LAMC1: variants seen among roughly 807,000 people sequenced by gnomAD.
The protein encoded by LAMC1 is laminin subunit gamma 1.
Under a neutral mutation model 173.6 loss-of-function variants are expected in LAMC1, and 38 were observed. The ratio of observed to expected loss-of-function variants is 0.22; its 90% CI spans 0.17 to 0.29. The LOEUF is 0.29. LAMC1 is among the 10% of genes least tolerant of loss of function. The pLI, the probability that LAMC1 is intolerant of heterozygous loss-of-function variation, is 1.00. For missense variants in LAMC1, 1,824 were observed against 2,051.8 expected, an observed-to-expected ratio of 0.89 and a Z score of 2.14; for synonymous variants, 746 against 749.1, an observed-to-expected ratio of 1.00 and a Z score of 0.07.
chr1:183,114,067 T>G (rs893558756), intron 4 of LAMC1, among the ~76,000 whole-genome samples: 3 of 152,092 alleles, frequency 2.0e-5, no homozygotes, highest in African/African-American at 7.2e-5. Context: ...TGGTGGTGGT[T>G]TTTTGTTTGT....
rs1571471633 is a variant in LAMC1, at chr1:183,143,146, A to G, written c.*356A>G. On this transcript the variant is annotated 3_prime_UTR_variant, in exon 28 of 28. Transcript: ENST00000258341. ...AGAGCAAGTAGCCCTCCCCTGTCTC[A>G]TCGATACCAGCAGAACCTCCTCAGT... The G allele has an allele frequency of 5.3e-6, 1 of 190,292 alleles. No homozygotes were observed. The highest frequency in any genetic ancestry group is 1.1e-5 in the Non-Finnish European group (1 of 90,654). 11.8% of individuals were successfully genotyped at this position (190,292 alleles called of 1,614,324 possible).
chr1:183,023,768 T>TG lies in LAMC1; in HGVS notation c.54dup (p.Pro19AlafsTer126). 1 of 1,404,750 alleles carries TG rather than the reference T, an allele frequency of 7.1e-7. No homozygotes were observed. Among genetic ancestry groups the TG allele is most frequent in the Middle Eastern group, 2.0e-4 (1 of 4,948 alleles). The allele number at this position is 1,404,750 out of a possible 1,614,324, so 87.0% of individuals were successfully genotyped here. A position where few individuals can be genotyped will look rare whatever the true frequency, so the allele number is the denominator to read the frequency against. On this transcript the variant is annotated frameshift_variant, in exon 1 of 28. Coordinates refer to ENST00000258341, the MANE Select transcript of LAMC1 (RefSeq NM_002293.4). LOFTEE classifies it high-confidence loss of function. Reference sequence around the variant, plus strand: ...GGCCCTGCGGCCCCGGGGGCGGCTCTGGCCCGTGCTGGCCGTGCTGGCGGC... The same window carrying TG: ...GGCCCTGCGGCCCCGGGGGCGGCTCTGGGCCCGTGCTGGCCGTGCTGGCGGC...
At chr1:183,031,918 GAA>G (rs913589419) in intron 1 of LAMC1, among the ~76,000 whole-genome samples, 4 of 147,252 alleles carry the variant, frequency 2.7e-5, no homozygotes, top group Non-Finnish European at 4.5e-5. Context: ...TTAAAAATAA[GAA>G]AAAAAAAGAT....
At chr1:183,109,321 A>G (rs1440921356) in intron 3 of LAMC1, among the ~76,000 whole-genome samples, 1 of 152,194 alleles carries the variant, frequency 6.6e-6, no homozygotes, top group African/African-American at 2.4e-5. Context: ...ACAGGGTAAA[A>G]ATAGTATACA....
chr1:183,089,792 A>G (rs1655521345), intron 1 of LAMC1, among the ~76,000 whole-genome samples: 1 of 152,244 alleles, frequency 6.6e-6, no homozygotes, highest in Non-Finnish European at 1.5e-5. Context: ...AATCTAAGTC[A>G]TATTAAATAA....
In LAMC1 at chr1:183,030,306, A is replaced by G. The variant is rs189404567; in HGVS notation, c.418+6172A>G. 2.0e-5 allele frequency among the ~76,000 whole-genome samples: 3 copies of G among 152,340 alleles called. No homozygotes were observed. The East Asian group carries it at 5.8e-4, about 29-fold the overall frequency. ...TTGTTGACCTCTGTTCTAGAGCAGT[A>G]CTTTCATGTTATATAGTAAGTCCTA... On this transcript the variant is annotated intron_variant, in intron 1 of 27. Coordinates refer to ENST00000258341, the MANE Select transcript of LAMC1 (RefSeq NM_002293.4).
At chr1:183,129,082 C>CT (rs201079710) in intron 18 of LAMC1, among the ~76,000 whole-genome samples, 2,028 of 109,934 alleles carry the variant, frequency 0.018, 86 homozygotes, top group African/African-American at 0.045. Context: ...TCTTCATAAG[C>CT]TTTTTTTTTT....
At chr1:183,132,076 A>T (rs1192984513) in intron 20 of LAMC1, among the ~76,000 whole-genome samples, 2 of 152,220 alleles carry the variant, frequency 1.3e-5, no homozygotes, top group Admixed American at 1.3e-4. Context: ...AGGCGGGTGG[A>T]TCACCTAAGG....
intron 1 of LAMC1, among the ~76,000 whole-genome samples, chr1:183,041,739 C>G (rs776013345): frequency 7.9e-5 from 12 of 152,160 alleles, no homozygotes; most frequent in Non-Finnish European, 4.4e-5. Flanking sequence ...TACAAAGGAC[C>G]TGACCTAGGG....
chr1:183,072,934 C>T (rs996116438), intron 1 of LAMC1, among the ~76,000 whole-genome samples: 1 of 152,188 alleles, frequency 6.6e-6, no homozygotes, highest in East Asian at 1.9e-4. Context: ...AAAACAAGCT[C>T]AGGGCTCCCA....
chr1:183,132,515 G>A lies in LAMC1; in HGVS notation c.3682G>A (p.Glu1228Lys), dbSNP rs765549975. 3.1e-6 allele frequency: 5 copies of A among 1,613,906 alleles called. No homozygotes were observed. The highest frequency in any genetic ancestry group is 4.2e-6 in the Non-Finnish European group (5 of 1,179,816). ...GGCAGGAGAAAATCAAACAGCATTT[G>A]AGATTGAAGAGCTTAATAGGAAGTG... ...TLAGENQTAF[E>K]IEELNRKYEQ... is the part of the protein sequence containing the mutation. Residue 1228 changes from glutamate to lysine, a missense_variant, in exon 21 of 28, where the codon GAG (glutamate) becomes AAG (lysine). Physicochemically the swap from Glu to Lys is moderately conservative, Grantham distance 56. Transcript: ENST00000258341.
At chr1:183,123,858 T>C (rs925660767) in intron 13 of LAMC1, among the ~76,000 whole-genome samples, 5 of 152,146 alleles carry the variant, frequency 3.3e-5, no homozygotes, top group Non-Finnish European at 7.4e-5. Flanking sequence ...GTTGAATGAA[T>C]TAATAAACCT....
intron 3 of LAMC1, among the ~76,000 whole-genome samples, chr1:183,109,361 G>A (rs1489980647): frequency 6.6e-6 from 1 of 152,166 alleles, no homozygotes; most frequent in Admixed American, 6.5e-5. Flanking sequence ...CTGTTATGAT[G>A]CTGGATTAGG....
At chr1:183,054,735 A>C (rs1230542430) in intron 1 of LAMC1, among the ~76,000 whole-genome samples, 5 of 152,138 alleles carry the variant, frequency 3.3e-5, no homozygotes, top group African/African-American at 1.2e-4. Context: ...CCTGGCTTGG[A>C]GACTACAAAA....
chr1:183,099,959 T>C (rs182186919), intron 1 of LAMC1, among the ~76,000 whole-genome samples: 11 of 152,232 alleles, frequency 7.2e-5, no homozygotes, highest in Admixed American at 5.2e-4. Flanking sequence ...TTTCAGTGAG[T>C]AGTACTACCC....
At chr1:183,024,810 T>C (rs1033060684) in intron 1 of LAMC1, among the ~76,000 whole-genome samples, 2 of 152,158 alleles carry the variant, frequency 1.3e-5, no homozygotes, top group Non-Finnish European at 2.9e-5. Context: ...TGTCCCTGGG[T>C]AAAAAGGCTC....
chr1:183,092,606 G>C (rs1255763284), intron 1 of LAMC1, among the ~76,000 whole-genome samples: 1 of 152,122 alleles, frequency 6.6e-6, no homozygotes, highest in Non-Finnish European at 1.5e-5. Context: ...CATAGACCTG[G>C]GCTGGCTCTA....
intron 2 of LAMC1, among the ~76,000 whole-genome samples, chr1:183,104,329 A>G (rs1655911127): frequency 6.6e-6 from 1 of 152,202 alleles, no homozygotes; most frequent in Non-Finnish European, 1.5e-5. Flanking sequence ...CATATTCCTT[A>G]TACACCATAA....
intron 1 of LAMC1, among the ~76,000 whole-genome samples, chr1:183,055,385 T>A (rs1420943328): frequency 6.6e-6 from 1 of 152,126 alleles, no homozygotes; most frequent in Non-Finnish European, 1.5e-5. Flanking sequence ...ATGAACTTGA[T>A]ACCTGCTTAG....
Sources: gnomAD v4.1 joint callset for allele counts (sites outside exome capture counted in the v4.1 genomes callset) on GRCh38, gnomAD v4.1.1 for gene constraint, MANE v1.5 for transcripts, NCBI Gene and HGNC (gene_info 2026-07-23, HGNC 2026-07-21) for gene names.